HPF1: variants seen among roughly 807,000 people sequenced by gnomAD.
HPF1 encodes the protein histone PARylation factor 1, also known as UPF0609 protein C4orf27.
In HPF1, 35 loss-of-function variants were observed where a neutral mutation model predicts 38.8. The ratio of observed to expected loss-of-function variants is 0.90; its 90% confidence interval spans 0.69 to 1.19. The LOEUF is 1.19. Ranked by LOEUF, HPF1 falls within the 50% of genes most tolerant of loss-of-function variation. The pLI, the probability that HPF1 is intolerant of heterozygous loss-of-function variation, is 0.00. For synonymous variants in HPF1, 115 were observed against 139.2 expected, an observed-to-expected ratio of 0.83 and a Z score of 1.22; for missense variants, 367 against 405.8, an observed-to-expected ratio of 0.90 and a Z score of 0.82.
chr4:169,753,733 C>T lies in HPF1; in HGVS notation c.151G>A (p.Glu51Lys), dbSNP rs756445516. The T allele has an allele frequency of 3.7e-6, 6 of 1,613,094 alleles. No homozygotes were observed. The highest frequency in any genetic ancestry group is 5.1e-6 in the Non-Finnish European group (6 of 1,179,652). The change falls in exon 2 of 8, where the codon GAA becomes AAA. Residue 51 changes from glutamate (E) to lysine (K), a missense_variant. By Grantham distance (56) the Glu-to-Lys change is moderately conservative (BLOSUM62 1). Coordinates refer to ENST00000393381, the MANE Select transcript of HPF1 (RefSeq NM_017867.3). ...VENHYKLSLP[E>K]DFYHFWKFCE... ...AACTTCCAGAAGTGATAGAAATCTT[C>T]AGGTAAAGAAAGCTTATAATGATTT... is the stretch of plus-strand genomic sequence containing the variant.
intron 3 of HPF1, 60 bp downstream of exon 3, chr4:169,750,476 T>A: frequency 7.8e-7 from 1 of 1,282,558 alleles, no homozygotes; most frequent in Non-Finnish European, 1.1e-6. Flanking sequence ...AGTGAATAAC[T>A]ATTTATCCTC....
rs765527017 is a variant in HPF1 at position 169,741,955 on chromosome 4, A to G, written c.648+2T>C. The G allele has an allele frequency of 1.2e-6, 2 of 1,610,228 alleles. No individual in the cohort carries two copies. The highest frequency in any genetic ancestry group is 1.1e-5 in the South Asian group (1 of 90,322). ...ACAGAGACCAACAGGTTGAAATCAT[A>G]CTTTCTTATCTCTCTGTTTCATCTT... On this transcript the variant is annotated splice_donor_variant, in intron 5 of 7. Transcript: ENST00000393381. LOFTEE classifies it high-confidence loss of function.
intron 1 of HPF1, among the ~76,000 whole-genome samples, chr4:169,755,085 C>A (rs1226504134): frequency 9.7e-5 from 9 of 92,670 alleles, no homozygotes; most frequent in African/African-American, 3.6e-4. Context: ...TATTTATATT[C>A]TTCTATTTTC....
At chr4:169,752,441 T>G (rs1453299617) in intron 2 of HPF1, among the ~76,000 whole-genome samples, 2 of 152,198 alleles carry the variant, frequency 1.3e-5, no homozygotes, top group African/African-American at 4.8e-5. Flanking sequence ...TGTATGACAG[T>G]GCCTACTAGT....
chr4:169,731,348 A>G (rs1340667474), intron 7 of HPF1, among the ~76,000 whole-genome samples: 1 of 152,200 alleles, frequency 6.6e-6, no homozygotes, highest in Non-Finnish European at 1.5e-5. Flanking sequence ...AGGTGTGTGC[A>G]CACACCCCCA....
chr4:169,730,152 G>T (rs551138901), intron 7 of HPF1, among the ~76,000 whole-genome samples: 2 of 151,976 alleles, frequency 1.3e-5, no homozygotes, highest in Non-Finnish European at 2.9e-5. Context: ...AACACGTACC[G>T]CCTCCCAATC....
rs1581309844 is a variant in HPF1 at position 169,729,477 on chromosome 4, T to C, written c.*101A>G. 1.9e-6 allele frequency: 2 copies of C among 1,071,010 alleles called. No individual in the cohort carries two copies. The highest frequency in any genetic ancestry group is 5.8e-5 in the East Asian group (2 of 34,278). The allele number at this position is 1,071,010 out of a possible 1,614,324, so 66.3% of individuals were successfully genotyped here. A position where few individuals can be genotyped will look rare whatever the true frequency, so the allele number is the denominator to read the frequency against. ...AGGCAGAAGAACCTTATAAACGTTT[T>C]TAGTAAATGTTTATTTTTTGTATTC... is the stretch of plus-strand genomic sequence containing the variant. On this transcript the variant is annotated 3_prime_UTR_variant, in exon 8 of 8. Transcript: ENST00000393381.
At chr4:169,731,409 T>G (rs939867711) in intron 7 of HPF1, among the ~76,000 whole-genome samples, 9 of 152,180 alleles carry the variant, frequency 5.9e-5, no homozygotes, top group Admixed American at 4.6e-4. Flanking sequence ...CCCTATAATG[T>G]GTCTAATGAG....
rs142262842 is a variant in HPF1, at chr4:169,734,972, C to G, written c.736+2688G>C. On this transcript the variant is annotated intron_variant, in intron 6 of 7. Coordinates refer to ENST00000393381, the MANE Select transcript of HPF1 (RefSeq NM_017867.3). Reference sequence around the variant, plus strand: ...TGAAACCCTGTCTCTACTAAAAATACAAAAATTAGCTGGGCATGGTGGTGG... The same window carrying G: ...TGAAACCCTGTCTCTACTAAAAATAGAAAAATTAGCTGGGCATGGTGGTGG... 5.5e-3 allele frequency among the ~76,000 whole-genome samples: 838 copies of G among 151,904 alleles called. 13 individuals are homozygous for G. Among genetic ancestry groups the G allele is most frequent in the African/African-American group, 0.019 (804 of 41,440 alleles).
rs1560891195 is a variant in HPF1 at position 169,750,612 on chromosome 4, A to G, written c.322T>C (p.Phe108Leu). 3.7e-6 allele frequency: 6 copies of G among 1,612,816 alleles called. No individual in the cohort carries two copies. Among genetic ancestry groups the G allele is most frequent in the Non-Finnish European group, 5.1e-6 (6 of 1,179,206 alleles). ...TGLNFNLHWR[F>L]YYDPPEFQTI... ...TGGAACTCAGGAGGATCATAGTAAA[A>G]CCTCCAGTGAAGGTTAAAATTCAGG... The change falls in exon 3 of 8, where the codon TTT becomes CTT. Residue 108 changes from phenylalanine to leucine, a missense_variant. Coordinates refer to ENST00000393381, the MANE Select transcript of HPF1 (RefSeq NM_017867.3).
chr4:169,748,143 C>T (rs1734071530), intron 4 of HPF1, among the ~76,000 whole-genome samples: 1 of 152,190 alleles, frequency 6.6e-6, no homozygotes, highest in African/African-American at 2.4e-5. Context: ...TTGAACCATA[C>T]ATAAGAAATA....
chr4:169,748,971 T>TA (rs1734084435), intron 3 of HPF1, 129 bp from the exon 4 acceptor site: 1 of 511,186 alleles, frequency 2.0e-6, no homozygotes, highest in Admixed American at 4.1e-5. Flanking sequence ...TTTTTTTTTT[T>TA]AATCATACCA....
chr4:169,752,813 C>T (rs1459781977), intron 2 of HPF1, among the ~76,000 whole-genome samples: 1 of 152,106 alleles, frequency 6.6e-6, no homozygotes, highest in Non-Finnish European at 1.5e-5. Context: ...AAGACAAGTT[C>T]TTGGAAGCAG....
At chr4:169,752,319 G>A (rs566522877) in intron 2 of HPF1, among the ~76,000 whole-genome samples, 1 of 151,768 alleles carries the variant, frequency 6.6e-6, no homozygotes, top group Admixed American at 6.6e-5. Context: ...ACAGGCACCC[G>A]CCACCACGCC....
intron 7 of HPF1, among the ~76,000 whole-genome samples, chr4:169,731,333 G>T (rs1163654630): frequency 6.6e-6 from 1 of 152,122 alleles, no homozygotes; most frequent in African/African-American, 2.4e-5. Flanking sequence ...ACGAAATGGA[G>T]CCTAAGGTGT....
intron 5 of HPF1, 30 bp from the exon 6 acceptor site, chr4:169,737,777 C>A: frequency 7.0e-7 from 1 of 1,429,830 alleles, no homozygotes; most frequent in Non-Finnish European, 9.8e-7. Context: ...AAAATGTAAT[C>A]ATGGTAAGCA....
chr4:169,730,538 C>A (rs1733815836), intron 7 of HPF1, among the ~76,000 whole-genome samples: 1 of 152,094 alleles, frequency 6.6e-6, no homozygotes, highest in Admixed American at 6.5e-5. Flanking sequence ...AAATGTACAC[C>A]CCCGACCAGG....
At chr4:169,741,701 C>T (rs1301373297) in intron 5 of HPF1, among the ~76,000 whole-genome samples, 1 of 152,202 alleles carries the variant, frequency 6.6e-6, no homozygotes, top group Non-Finnish European at 1.5e-5. Context: ...GTGGTAAATA[C>T]TGGCATGAGT....
chr4:169,734,088 A>G (rs1268921759), intron 6 of HPF1, among the ~76,000 whole-genome samples: 6 of 152,236 alleles, frequency 3.9e-5, no homozygotes, highest in Non-Finnish European at 8.8e-5. Context: ...AACGAATGGC[A>G]AACTGCACCA....
Sources: gnomAD v4.1 joint callset for allele counts (sites outside exome capture counted in the v4.1 genomes callset) on GRCh38, gnomAD v4.1.1 for gene constraint, MANE v1.5 for transcripts, NCBI Gene and HGNC (gene_info 2026-07-23, HGNC 2026-07-21) for gene names.